Variants in STS observed in about 807,000 individuals in gnomAD.
STS encodes the protein steryl-sulfatase.
In STS, 7 loss-of-function variants were observed where a neutral mutation model predicts 26.8. That is an observed-to-expected ratio of 0.26 (90% confidence interval 0.15 to 0.49). STS has a LOEUF of 0.49. Ranked by LOEUF, STS falls within the 20% of genes least tolerant of loss-of-function variation. The pLI is 0.98. For synonymous variants in STS, 199 were observed against 189.4 expected (o/e 1.05, Z -0.42); for missense variants, 434 against 465.6 (o/e 0.93, Z 0.63).
intron 8 of STS, among the ~76,000 whole-genome samples, chrX:7,317,797 A>G (rs1309843134): frequency 9.1e-6 from 1 of 110,229 alleles, no homozygotes; most frequent in African/African-American, 3.3e-5. Flanking sequence ...GTCTTTTGAG[A>G]CCTTTAATTT....
At chrX:7,346,715 C>G (rs1381492398) in intron 10 of STS, among the ~76,000 whole-genome samples, 3 of 111,946 alleles carry the variant, frequency 2.7e-5, no homozygotes, top group East Asian at 5.6e-4. Context: ...TGAGGATACT[C>G]AGGATGAAGT....
chrX:7,180,122 A>G (rs1234172607), intron 1 of STS, among the ~76,000 whole-genome samples: 4 of 111,251 alleles, frequency 3.6e-5, no homozygotes, highest in Non-Finnish European at 5.7e-5. Flanking sequence ...ACCTGGGGTG[A>G]GGGGGGATGG....
At chrX:7,241,951 G>A (rs1254166332) in intron 2 of STS, among the ~76,000 whole-genome samples, 7 of 110,827 alleles carry the variant, frequency 6.3e-5, no homozygotes, top group African/African-American at 2.3e-4. Flanking sequence ...GCTGGCTGTT[G>A]GCTGGACACT....
intron 7 of STS, among the ~76,000 whole-genome samples, chrX:7,296,901 A>G (rs1421981321): frequency 8.9e-6 from 1 of 112,092 alleles, no homozygotes; most frequent in African/African-American, 3.2e-5. Context: ...ACAACACAAT[A>G]TAAGAATTAA....
intron 10 of STS, among the ~76,000 whole-genome samples, chrX:7,341,914 C>T (rs1403314698): frequency 2.7e-5 from 3 of 110,466 alleles, no homozygotes; most frequent in Non-Finnish European, 3.8e-5. Context: ...CAGGTTCAAG[C>T]GATTCTCCTG....
intron 7 of STS, among the ~76,000 whole-genome samples, chrX:7,277,218 A>G (rs890943315): frequency 1.2e-4 from 14 of 112,207 alleles, no homozygotes; most frequent in Non-Finnish European, 2.1e-4. Flanking sequence ...CATTTTGTCC[A>G]TATTCCAGTA....
intron 7 of STS, among the ~76,000 whole-genome samples, chrX:7,303,921 C>A (rs1202214739): frequency 3.6e-5 from 4 of 112,024 alleles, no homozygotes; most frequent in African/African-American, 1.3e-4. Context: ...TAACTCCTGG[C>A]TAATCTTGTT....
intron 10 of STS, among the ~76,000 whole-genome samples, chrX:7,337,004 C>T (rs1928065617): frequency 9.0e-6 from 1 of 111,731 alleles, no homozygotes; most frequent in Non-Finnish European, 1.9e-5. Context: ...GAATGCAATT[C>T]CTTCAACTCT....
intron 2 of STS, among the ~76,000 whole-genome samples, chrX:7,250,170 C>A (rs1923070843): frequency 9.0e-6 from 1 of 110,762 alleles, no homozygotes; most frequent in Non-Finnish European, 1.9e-5. Context: ...TCCCCCAGTC[C>A]TCCCTGCTCG....
At chrX:7,335,925 G>A (rs923065946) in intron 10 of STS, among the ~76,000 whole-genome samples, 8 of 111,642 alleles carry the variant, frequency 7.2e-5, no homozygotes, top group African/African-American at 2.0e-4. Flanking sequence ...TTATAGTTGT[G>A]TGGTCTTATT....
chrX:7,334,536 G>C (rs1048883779), intron 10 of STS, among the ~76,000 whole-genome samples: 7 of 111,858 alleles, frequency 6.3e-5, no homozygotes, highest in Non-Finnish European at 3.8e-5. Context: ...AGGATGTCTT[G>C]CCTCATCCTT....
intron 1 of STS, among the ~76,000 whole-genome samples, chrX:7,175,132 A>G (rs1933542065): frequency 9.5e-6 from 1 of 105,427 alleles, no homozygotes; most frequent in African/African-American, 3.5e-5. Flanking sequence ...CCAGAATCAG[A>G]AAACCTAGAT....
intron 10 of STS, among the ~76,000 whole-genome samples, chrX:7,341,728 A>G (rs1461814307): frequency 3.6e-5 from 4 of 110,091 alleles, no homozygotes; most frequent in Non-Finnish European, 7.6e-5. Flanking sequence ...CTCACCCTGG[A>G]TTTCATAATG....
chrX:7,253,938 G>C (rs1407495907), intron 3 of STS, among the ~76,000 whole-genome samples: 1 of 112,619 alleles, frequency 8.9e-6, no homozygotes, highest in East Asian at 2.8e-4. Flanking sequence ...TTCAGCGTCT[G>C]GTGGGGACGT....
intron 1 of STS, among the ~76,000 whole-genome samples, chrX:7,148,552 G>C (rs1464210815): frequency 8.9e-6 from 1 of 112,687 alleles, no homozygotes; most frequent in Non-Finnish European, 1.9e-5. Flanking sequence ...AAGATGCTCA[G>C]GGTGGTATCA....
intron 8 of STS, among the ~76,000 whole-genome samples, chrX:7,322,442 A>G (rs1177110045): frequency 8.9e-6 from 1 of 111,903 alleles, no homozygotes; most frequent in East Asian, 2.8e-4. Flanking sequence ...ACTCTGTTAC[A>G]CAGGCTAGAG....
chrX:7,171,522 G>T (rs1489306388), intron 1 of STS, among the ~76,000 whole-genome samples: 6 of 111,512 alleles, frequency 5.4e-5, no homozygotes, highest in Non-Finnish European at 9.4e-5. Flanking sequence ...GGGTTTACTG[G>T]ACTAACTTAT....
intron 2 of STS, among the ~76,000 whole-genome samples, chrX:7,199,735 A>T (rs1601645448): frequency 9.0e-6 from 1 of 111,452 alleles, no homozygotes; most frequent in East Asian, 2.8e-4. Context: ...TATAATATAC[A>T]TTTACAATAA....
chrX:7,154,980 A>C (rs892925979), intron 1 of STS, among the ~76,000 whole-genome samples: 7 of 111,982 alleles, frequency 6.3e-5, no homozygotes, highest in African/African-American at 1.9e-4. Flanking sequence ...CTTGCACCCA[A>C]CTCCTGTGCT....
Sources: allele counts gnomAD v4.1 joint callset (sites outside exome capture counted in the v4.1 genomes callset), GRCh38; gene constraint gnomAD v4.1.1; transcripts MANE v1.5; gene names NCBI Gene and HGNC (gene_info 2026-07-23, HGNC 2026-07-21).